The following ATP7B variants were observed in gnomAD, a reference collection of about 807,000 sequenced individuals.
ATP7B encodes copper-transporting ATPase 2.
In ATP7B, 113 loss-of-function variants were observed where a neutral mutation model predicts 118.9. The observed-to-expected ratio is 0.95, with a 90% CI of 0.82 to 1.11. The LOEUF is 1.11. Among genes scored for constraint, ATP7B ranks in the 50% most tolerant of loss-of-function variants. The probability of loss-of-function intolerance (pLI) is 0.00; values close to 1 mark genes in which losing one functional copy is unlikely to be tolerated. For synonymous variants in ATP7B, 777 were observed against 727.4 expected (o/e 1.07, Z -1.10); for missense variants, 1,867 against 1,871.4 (o/e 1.00, Z 0.04).
chr13:51,955,868 G>A (rs1422020477), intron 9 of ATP7B, among the ~76,000 whole-genome samples: 1 of 152,286 alleles, frequency 6.6e-6, no homozygotes, highest in South Asian at 2.1e-4. Context: ...CCGTCACACA[G>A]GGTCCTGTTT....
At chr13:51,957,474 G>C in intron 9 of ATP7B, 42 bp downstream of exon 9, 1 of 1,573,818 alleles carries the variant, frequency 6.4e-7, no homozygotes, top group Non-Finnish European at 8.7e-7. Context: ...CACACAGATT[G>C]ATAGATACCA....
At chr13:51,997,886 G>A (rs1953290103) in intron 1 of ATP7B, among the ~76,000 whole-genome samples, 1 of 152,166 alleles carries the variant, frequency 6.6e-6, no homozygotes, top group South Asian at 2.1e-4. Flanking sequence ...AGCGGGGAGG[G>A]TGGGAAGAAG....
chr13:51,940,641 C>A (rs997122638), intron 16 of ATP7B, among the ~76,000 whole-genome samples: 2 of 151,870 alleles, frequency 1.3e-5, no homozygotes, highest in African/African-American at 4.8e-5. Flanking sequence ...AAGAGGGAAA[C>A]TCAGTCTAAA....
intron 14 of ATP7B, among the ~76,000 whole-genome samples, chr13:51,943,117 C>T (rs1305330291): frequency 6.6e-6 from 1 of 152,134 alleles, no homozygotes; most frequent in Non-Finnish European, 1.5e-5. Flanking sequence ...TGTGAGCTCC[C>T]AAAGGGTAGA....
Position 51,968,497 on chromosome 13 carries a change from C to T in ATP7B, c.1654G>A (p.Glu552Lys). 1 of 1,614,190 alleles carries T rather than the reference C, an allele frequency of 6.2e-7. No individual in the cohort carries two copies. Among genetic ancestry groups the T allele is most frequent in the South Asian group, 1.1e-5 (1 of 91,074 alleles). The change falls in exon 4 of 21, where the codon GAG becomes AAG. Residue 552 changes from glutamate (E) to lysine (K), a missense_variant. Physicochemically the swap from Glu to Lys is moderately conservative, Grantham distance 56. Transcript: ENST00000242839. Reference sequence around the variant, plus strand: ...GCGTAGTCCTCCATGACTGCTGCCTCAAAACCCAGGTCCTGGATGAACTGA... The same window carrying T: ...GCGTAGTCCTCCATGACTGCTGCCTTAAAACCCAGGTCCTGGATGAACTGA... ...IAQFIQDLGF[E>K]AAVMEDYAGS...
intron 12 of ATP7B, among the ~76,000 whole-genome samples, chr13:51,949,384 A>G (rs969857515): frequency 2.6e-5 from 4 of 152,216 alleles, no homozygotes; most frequent in Non-Finnish European, 5.9e-5. Flanking sequence ...GACCAATAAT[A>G]CATATTGTAA....
Position 51,934,558 on chromosome 13 carries a change from G to A in ATP7B, c.*198C>T. 2 of 806,152 alleles carry A rather than the reference G, an allele frequency of 2.5e-6. No individual in the cohort carries two copies. Among genetic ancestry groups the A allele is most frequent in the Non-Finnish European group, 3.9e-6 (2 of 507,018 alleles). 49.9% of individuals were successfully genotyped at this position (806,152 alleles called of 1,614,324 possible). ...ACGGTCCCGTGAGGCCAAGAGGCAG[G>A]CAGGGCCGTCCTCTCCAGGCCAAGC... is the stretch of plus-strand genomic sequence containing the variant. On this transcript the variant is annotated 3_prime_UTR_variant, in exon 21 of 21. Transcript: ENST00000242839.
chr13:51,987,618 A>C (rs907216767), intron 1 of ATP7B, among the ~76,000 whole-genome samples: 1 of 152,218 alleles, frequency 6.6e-6, no homozygotes, highest in Non-Finnish European at 1.5e-5. Flanking sequence ...AATCCTAAGC[A>C]AAAAGAACAA....
intron 1 of ATP7B, among the ~76,000 whole-genome samples, chr13:51,983,194 C>A (rs1310672223): frequency 1.3e-5 from 2 of 152,186 alleles, no homozygotes; most frequent in South Asian, 4.1e-4. Flanking sequence ...GCACAACAGT[C>A]TGAAATCGAC....
intron 9 of ATP7B, among the ~76,000 whole-genome samples, chr13:51,954,651 C>A (rs1958221076): frequency 1.3e-5 from 2 of 152,120 alleles, no homozygotes; most frequent in Non-Finnish European, 2.9e-5. Flanking sequence ...GTAGAGGACA[C>A]ACTGGGAGCT....
chr13:51,992,066 G>C (rs1199210256), intron 1 of ATP7B, among the ~76,000 whole-genome samples: 1 of 150,916 alleles, frequency 6.6e-6, no homozygotes, highest in Non-Finnish European at 1.5e-5. Context: ...CAAAGAAACA[G>C]GTTTTCCAAA....
chr13:51,960,372 T>C (rs910836730), intron 6 of ATP7B, 50 bp from the exon 7 acceptor site: 1 of 1,585,082 alleles, frequency 6.3e-7, no homozygotes, highest in Non-Finnish European at 8.6e-7. Flanking sequence ...GCTTGTCACC[T>C]GGATTACAAG....
At chr13:51,989,046 A>G (rs1232732824) in intron 1 of ATP7B, among the ~76,000 whole-genome samples, 2 of 152,194 alleles carry the variant, frequency 1.3e-5, no homozygotes, top group African/African-American at 2.4e-5. Flanking sequence ...CCCAGAACTT[A>G]AAGTATAATT....
At chr13:51,941,834 A>T (rs1004622065) in intron 15 of ATP7B, among the ~76,000 whole-genome samples, 3 of 119,428 alleles carry the variant, frequency 2.5e-5, no homozygotes, top group Non-Finnish European at 5.6e-5. Flanking sequence ...TCTAAGCCAC[A>T]ATTTCACTAC....
Position 51,964,952 on chromosome 13 carries a change from C to A in ATP7B, c.1789G>T (p.Val597Phe). 1.2e-6 allele frequency: 2 copies of A among 1,614,156 alleles called. No individual in the cohort carries two copies. Among genetic ancestry groups the A allele is most frequent in the Non-Finnish European group, 1.7e-6 (2 of 1,180,030 alleles). ...TRTNGITYAS[V>F]ALATSKALVK... ...AGGGCTTTGCTGGTGGCAAGGGCAA[C>A]GGAGGCATAAGTGATGCCATTTGTC... Residue 597 changes from valine (V) to phenylalanine (F), a missense_variant, in exon 5 of 21, where the codon GTT becomes TTT. By Grantham distance (50) the Val-to-Phe change is conservative. Coordinates refer to ENST00000242839, the MANE Select transcript of ATP7B (RefSeq NM_000053.4).
intron 7 of ATP7B, 195 bp downstream of exon 7, chr13:51,959,953 C>T (rs761436681): frequency 1.0e-5 from 7 of 667,540 alleles, no homozygotes; most frequent in Non-Finnish European, 1.8e-5. Flanking sequence ...GTCCCCCACA[C>T]TGGGGGGGCC....
intron 1 of ATP7B, among the ~76,000 whole-genome samples, chr13:52,008,238 G>A (rs892668163): frequency 1.3e-5 from 2 of 152,190 alleles, no homozygotes; most frequent in African/African-American, 4.8e-5. Context: ...TACTCAGGAG[G>A]CTGAGGCCGG....
rs752198806 is a variant in ATP7B, at chr13:51,975,351, T to C, written c.52-183A>G. The C allele has an allele frequency of 6.8e-5, 56 of 821,186 alleles. 1 individual carries two copies. The South Asian group carries it at 7.5e-4, about 11-fold the overall frequency. The allele number at this position is 821,186 out of a possible 1,614,324, so 50.9% of individuals were successfully genotyped here. A position where few individuals can be genotyped will look rare whatever the true frequency, so the allele number is the denominator to read the frequency against. The stretch of plus-strand genomic sequence containing the variant: ...CAGCATCTACAAAATGAAAGAGCTC[T>C]GACATTCTTCTCTGACAGAAGCTAA... On this transcript the variant is annotated intron_variant, in intron 1 of 20. Transcript: ENST00000242839.
chr13:51,946,343 C>G lies in ATP7B; in HGVS notation c.3001G>C (p.Val1001Leu). ...ATGAGGATGCCGTTCTGCGCGGCCACCCCGGTGCCCACCATGACAGCCGTG... is the reference window on the plus strand; with the variant it reads ...ATGAGGATGCCGTTCTGCGCGGCCAGCCCGGTGCCCACCATGACAGCCGTG... Reference protein sequence around the residue: ...TPTAVMVGTGVAAQNGILIKG... With the variant: ...TPTAVMVGTGLAAQNGILIKG... Residue 1001 changes from valine to leucine, a missense_variant, in exon 13 of 21, where the codon GTG becomes CTG. Val to Leu is a conservative substitution (Grantham distance 32). Coordinates refer to ENST00000242839, the MANE Select transcript of ATP7B (RefSeq NM_000053.4). 6.2e-7 allele frequency: 1 copy of G among 1,610,970 alleles called. No homozygotes were observed. Among genetic ancestry groups the G allele is most frequent in the African/African-American group, 1.3e-5 (1 of 75,016 alleles).
Sources: gnomAD v4.1 joint callset for allele counts (sites outside exome capture counted in the v4.1 genomes callset) on GRCh38, gnomAD v4.1.1 for gene constraint, MANE v1.5 for transcripts, NCBI Gene and HGNC (gene_info 2026-07-23, HGNC 2026-07-21) for gene names.